Variants in KCNAB1 observed in about 807,000 individuals in gnomAD.
The protein encoded by KCNAB1 is potassium voltage-gated channel subfamily A regulatory beta subunit 1.
A neutral mutation model predicts 64.6 loss-of-function variants in KCNAB1; 35 were observed. The observed-to-expected ratio is 0.54, with a 90% CI of 0.41 to 0.72. KCNAB1 has a LOEUF of 0.72. Among genes scored for constraint, KCNAB1 ranks in the 30% least tolerant of loss-of-function variants. The pLI is 0.00. For synonymous variants in KCNAB1, 177 were observed against 183.8 expected, an observed-to-expected ratio of 0.96 and a Z score of 0.30; for missense variants, 401 against 512.9, an observed-to-expected ratio of 0.78 and a Z score of 2.11.
chr3:156,458,357 G>A (rs867810326), intron 4 of KCNAB1, among the ~76,000 whole-genome samples: 3 of 152,230 alleles, frequency 2.0e-5, no homozygotes, highest in African/African-American at 7.2e-5. Context: ...TGGGAACATG[G>A]ATGTCCAGCT....
At chr3:156,230,740 A>T (rs1716470139) in intron 1 of KCNAB1, among the ~76,000 whole-genome samples, 1 of 152,236 alleles carries the variant, frequency 6.6e-6, no homozygotes, top group African/African-American at 2.4e-5. Context: ...GGTTTTTCTT[A>T]ATAAGAAGTC....
rs539000509 is a variant in KCNAB1, at chr3:156,126,927, C to G, written c.275+6041C>G. On this transcript the variant is annotated intron_variant, in intron 1 of 13. Transcript: ENST00000490337. The stretch of plus-strand genomic sequence containing the variant: ...CTTAGCATCATTCCTGACGCATGAT[C>G]TATGCCCTTGCTATTATCATGAGAT... 2.6e-5 allele frequency among the ~76,000 whole-genome samples: 4 copies of G among 152,334 alleles called. No homozygotes were observed. The South Asian group carries it at 8.3e-4, about 32-fold the overall frequency.
At chr3:156,340,700 A>T (rs913175243) in intron 1 of KCNAB1, among the ~76,000 whole-genome samples, 1 of 152,314 alleles carries the variant, frequency 6.6e-6, no homozygotes, top group African/African-American at 2.4e-5. Context: ...TTGCAGGCAG[A>T]ATCACCACCT....
intron 1 of KCNAB1, among the ~76,000 whole-genome samples, chr3:156,127,251 T>C (rs943356620): frequency 1.3e-5 from 2 of 152,220 alleles, no homozygotes; most frequent in African/African-American, 2.4e-5. Context: ...ATTCAACCAA[T>C]ATTTTTTTTC....
chr3:156,513,110 G>A (rs1717323193), intron 8 of KCNAB1, among the ~76,000 whole-genome samples: 2 of 152,130 alleles, frequency 1.3e-5, no homozygotes, highest in African/African-American at 4.8e-5. Flanking sequence ...TACTCGGGAG[G>A]CTGAGGCAGG....
At chr3:156,126,650 T>C (rs1713672000) in intron 1 of KCNAB1, among the ~76,000 whole-genome samples, 1 of 152,212 alleles carries the variant, frequency 6.6e-6, no homozygotes, top group Non-Finnish European at 1.5e-5. Flanking sequence ...CTGGAGGCTC[T>C]GGGTAAGCCC....
At chr3:156,331,013 C>T (rs1426753933) in intron 1 of KCNAB1, among the ~76,000 whole-genome samples, 1 of 152,120 alleles carries the variant, frequency 6.6e-6, no homozygotes, top group Non-Finnish European at 1.5e-5. Flanking sequence ...CCTTCTCATC[C>T]TGAGCGTAGC....
At chr3:156,269,116 G>A (rs1718888188) in intron 1 of KCNAB1, among the ~76,000 whole-genome samples, 1 of 152,106 alleles carries the variant, frequency 6.6e-6, no homozygotes, top group South Asian at 2.1e-4. Flanking sequence ...TGAAAAGACT[G>A]TCCTTTTCCC....
intron 1 of KCNAB1, among the ~76,000 whole-genome samples, chr3:156,405,061 C>T (rs1355764395): frequency 2.0e-5 from 3 of 152,192 alleles, no homozygotes; most frequent in Non-Finnish European, 2.9e-5. Context: ...GTGATAAACT[C>T]CTCTAACTGA....
At chr3:156,392,334 C>CT (rs1327408824) in intron 1 of KCNAB1, among the ~76,000 whole-genome samples, 1 of 152,144 alleles carries the variant, frequency 6.6e-6, no homozygotes, top group East Asian at 1.9e-4. Context: ...TCCCAAAATA[C>CT]TTTTTAAAAT....
intron 3 of KCNAB1, chr3:156,457,168 A>C: frequency 8.5e-7 from 1 of 1,180,760 alleles, no homozygotes. Context: ...AATGTTGTCA[A>C]ACCAGCTCTT....
chr3:156,338,330 T>TTTTTTTTTTTTTTTC (rs1723871417), intron 1 of KCNAB1, among the ~76,000 whole-genome samples: 1 of 125,950 alleles, frequency 7.9e-6, no homozygotes, highest in African/African-American at 2.9e-5. Context: ...TTTTTTTTTT[T>TTTTTTTTTTTTTTTC]ACAGAGTTTA....
Position 156,296,053 on chromosome 3 carries a change from C to T in KCNAB1, c.276-125563C>T, listed in dbSNP as rs554171298. Among the ~76,000 whole-genome samples the T allele has an allele frequency of 2.6e-5, 4 of 152,258 alleles. No individual in the cohort carries two copies. In the South Asian group the frequency reaches 8.3e-4, roughly 32 times the overall value. On this transcript the variant is annotated intron_variant, in intron 1 of 13. Coordinates refer to ENST00000490337, the MANE Select transcript of KCNAB1 (RefSeq NM_172160.3). Reference sequence around the variant, plus strand: ...TGTGCTTTGTTAGTGCATGAAAGTTCCTTTGTTCTATTTTTATGTCTATTT... The same window carrying T: ...TGTGCTTTGTTAGTGCATGAAAGTTTCTTTGTTCTATTTTTATGTCTATTT...
chr3:156,422,271 G>A (rs1360654453), intron 2 of KCNAB1, among the ~76,000 whole-genome samples: 2 of 152,186 alleles, frequency 1.3e-5, no homozygotes, highest in Non-Finnish European at 2.9e-5. Context: ...TGTGAGACTT[G>A]GGGAGGCTTG....
chr3:156,455,961 C>G (rs1224188389), intron 3 of KCNAB1: 3 of 152,300 alleles, frequency 2.0e-5, no homozygotes, highest in African/African-American at 7.2e-5. Flanking sequence ...ACTCGTAGGC[C>G]CCCCAGGCCC....
chr3:156,328,141 G>T (rs1412606271), intron 1 of KCNAB1, among the ~76,000 whole-genome samples: 2 of 152,154 alleles, frequency 1.3e-5, no homozygotes, highest in African/African-American at 4.8e-5. Context: ...ACACAAAAAT[G>T]CTTGGCCTAT....
At chr3:156,304,818 A>T (rs1362951155) in intron 1 of KCNAB1, among the ~76,000 whole-genome samples, 4 of 152,234 alleles carry the variant, frequency 2.6e-5, no homozygotes, top group Non-Finnish European at 5.9e-5. Context: ...CAAGGGAGGA[A>T]TAAAAGCATC....
intron 1 of KCNAB1, among the ~76,000 whole-genome samples, chr3:156,229,884 A>T (rs1372425535): frequency 6.6e-6 from 1 of 152,248 alleles, no homozygotes; most frequent in East Asian, 1.9e-4. Flanking sequence ...AGAAGACCAC[A>T]TTCCTATGTA....
chr3:156,156,153 C>T (rs1715699306), intron 1 of KCNAB1, among the ~76,000 whole-genome samples: 1 of 152,106 alleles, frequency 6.6e-6, no homozygotes, highest in African/African-American at 2.4e-5. Context: ...CCTTAGGCCC[C>T]CAGATAAACA....
Sources: gnomAD v4.1 joint callset for allele counts (sites outside exome capture counted in the v4.1 genomes callset) on GRCh38, gnomAD v4.1.1 for gene constraint, MANE v1.5 for transcripts, NCBI Gene and HGNC (gene_info 2026-07-23, HGNC 2026-07-21) for gene names.